CCDC198: variants seen among roughly 807,000 people sequenced by gnomAD.
CCDC198 encodes factor associated with metabolism and energy.
In CCDC198, 18 loss-of-function variants were observed where a neutral mutation model predicts 35.6. That is an observed-to-expected ratio of 0.51 (90% CI 0.35 to 0.75). CCDC198 has a LOEUF of 0.75. CCDC198 is among the 30% of genes least tolerant of loss of function. The pLI is 0.01. For synonymous variants in CCDC198, 119 were observed against 113.4 expected (o/e 1.05, Z -0.31); for missense variants, 365 against 343.7 (o/e 1.06, Z -0.49).
At chr14:57,485,749 A>G (rs536360804) in intron 2 of CCDC198, among the ~76,000 whole-genome samples, 1 of 152,192 alleles carries the variant, frequency 6.6e-6, no homozygotes, top group Non-Finnish European at 1.5e-5. Flanking sequence ...AGGGCAAAGG[A>G]TGTGGAGACA....
rs766336647 is a variant in CCDC198 at position 57,493,605 on chromosome 14, C to T, written c.111G>A (p.Gln37=). The T allele has an allele frequency of 3.1e-6, 5 of 1,613,962 alleles. No individual in the cohort carries two copies. The Admixed American group carries it at 5.0e-5, about 16-fold the overall frequency. ...SAGRVDFAFN[Q]NLEEKTSYSL... ...AATATGAAGTCTTTTCTTCCAAATT[C>T]TGATTGAATGCAAAGTCCACACGGC... Residue 37 remains glutamine, a synonymous_variant, in exon 1 of 6, where the codon CAG becomes CAA. Coordinates refer to ENST00000216445, the MANE Select transcript of CCDC198 (RefSeq NM_018168.4).
chr14:57,488,465 C>G (rs1238380837), intron 2 of CCDC198, among the ~76,000 whole-genome samples: 1 of 152,244 alleles, frequency 6.6e-6, no homozygotes, highest in East Asian at 1.9e-4. Flanking sequence ...TATCCCCCCT[C>G]CAGCAGGGAT....
chr14:57,473,660 C>T (rs1235894587), intron 5 of CCDC198, among the ~76,000 whole-genome samples: 2 of 152,174 alleles, frequency 1.3e-5, no homozygotes, highest in Non-Finnish European at 2.9e-5. Flanking sequence ...ATTGGTCTTC[C>T]TTCATCCTTT....
In CCDC198 at chr14:57,471,440, C is replaced by T. The variant is rs2139452334; in HGVS notation, c.806G>A (p.Gly269Glu). 6.2e-7 allele frequency: 1 copy of T among 1,613,956 alleles called. No individual in the cohort carries two copies. The highest frequency in any genetic ancestry group is 1.1e-5 in the South Asian group (1 of 91,072). ...DSSSSDSDEQ[G>E]KDEKKPRALV... The stretch of plus-strand genomic sequence containing the variant: ...TGCTCGTGGCTTCTTCTCATCTTTC[C>T]CCTGCTCATCTGAGTCAGAGCTGGA... The change falls in exon 6 of 6, where the codon GGG becomes GAG. Residue 269 changes from glycine (G) to glutamate (E), a missense_variant. Gly to Glu is a moderately conservative substitution (Grantham distance 98). Transcript: ENST00000216445.
intron 5 of CCDC198, chr14:57,480,239 G>T: frequency 1.0e-6 from 1 of 984,704 alleles, no homozygotes; most frequent in Non-Finnish European, 1.2e-6. Context: ...AAGCAAATTT[G>T]CCATGTGACT....
chr14:57,478,572 T>G, intron 5 of CCDC198: 5 of 988,514 alleles, frequency 5.1e-6, no homozygotes, highest in Non-Finnish European at 6.0e-6. Context: ...TGAGACATCT[T>G]CCAGGGACTT....
intron 3 of CCDC198, among the ~76,000 whole-genome samples, chr14:57,482,073 G>A (rs976576069): frequency 6.6e-6 from 1 of 152,174 alleles, no homozygotes; most frequent in South Asian, 2.1e-4. Flanking sequence ...AAATGAGAGG[G>A]AAGCTGCTGA....
chr14:57,470,968 TA>T lies in CCDC198; in HGVS notation c.*386del, dbSNP rs1299540523. On this transcript the variant is annotated 3_prime_UTR_variant, in exon 6 of 6. Transcript: ENST00000216445. ...TGCAGATGCTCTGAGGCTACATGGA[TA>T]GGGGGCAAGGTCCCCCTGTGTCAGT... is the stretch of plus-strand genomic sequence containing the variant. 5 of 172,052 alleles carry T rather than the reference TA, an allele frequency of 2.9e-5. No homozygotes were observed. Among genetic ancestry groups the T allele is most frequent in the South Asian group, 1.5e-4 (1 of 6,888 alleles). The allele number at this position is 172,052 out of a possible 1,614,324, so 10.7% of individuals were successfully genotyped here.
At chr14:57,488,882 G>A (rs2067461925) in intron 2 of CCDC198, among the ~76,000 whole-genome samples, 1 of 152,142 alleles carries the variant, frequency 6.6e-6, no homozygotes, top group Admixed American at 6.5e-5. Flanking sequence ...AACAGATGCT[G>A]GAGAGGTTGC....
chr14:57,489,452 T>C (rs1433875186), intron 2 of CCDC198, among the ~76,000 whole-genome samples: 1 of 152,104 alleles, frequency 6.6e-6, no homozygotes, highest in African/African-American at 2.4e-5. Flanking sequence ...GGATGATCTG[T>C]GCAGCAAATC....
rs148990485 is a variant in CCDC198, at chr14:57,478,033, T to C, written c.655+2562A>G. Among the ~76,000 whole-genome samples the C allele has an allele frequency of 2.8e-3, 422 of 152,282 alleles. 2 individuals are homozygous for C. The highest frequency in any genetic ancestry group is 9.9e-3 in the African/African-American group (411 of 41,542). On this transcript the variant is annotated intron_variant, in intron 5 of 5. Transcript: ENST00000216445. The stretch of plus-strand genomic sequence containing the variant: ...GTGGTTCTGCTCATAACTGAGCTTT[T>C]GTGCACTACTGATGCAGCTACACCT...
At chr14:57,474,286 C>T (rs1448516742) in intron 5 of CCDC198, among the ~76,000 whole-genome samples, 1 of 152,118 alleles carries the variant, frequency 6.6e-6, no homozygotes, top group African/African-American at 2.4e-5. Context: ...TAACTAGGAC[C>T]TAAAAAAGGC....
Position 57,493,582 on chromosome 14 carries a change from T to C in CCDC198, c.134A>G (p.Tyr45Cys), listed in dbSNP as rs1042383005. 2 of 1,613,876 alleles carry C rather than the reference T, an allele frequency of 1.2e-6. No individual in the cohort carries two copies. The highest frequency in any genetic ancestry group is 1.7e-6 in the Non-Finnish European group (2 of 1,179,942). The change falls in exon 1 of 6, where the codon TAT becomes TGT. Residue 45 changes from tyrosine to cysteine, a missense_variant. Coordinates refer to ENST00000216445, the MANE Select transcript of CCDC198 (RefSeq NM_018168.4). ...FNQNLEEKTS[Y>C]SLARLQDQNK... The stretch of plus-strand genomic sequence containing the variant: ...CTGGTCCTGCAGTCTTGCCAGTGAA[T>C]ATGAAGTCTTTTCTTCCAAATTCTG...
rs2067147863 is a variant in CCDC198 at position 57,480,583 on chromosome 14, T to C, written c.655+12A>G. The C allele has an allele frequency of 6.2e-7, 1 of 1,612,264 alleles. No homozygotes were observed. Among genetic ancestry groups the C allele is most frequent in the Middle Eastern group, 1.7e-4 (1 of 6,036 alleles). On this transcript the variant is annotated intron_variant, in intron 5 of 5. Coordinates refer to ENST00000216445, the MANE Select transcript of CCDC198 (RefSeq NM_018168.4). The stretch of plus-strand genomic sequence containing the variant: ...CTTGAAATGTTTTACTAAAAAATTG[T>C]ACATGACTCACCGGGACCTCTGTTC...
chr14:57,488,261 A>G (rs918597700), intron 2 of CCDC198, among the ~76,000 whole-genome samples: 1 of 152,198 alleles, frequency 6.6e-6, no homozygotes, highest in African/African-American at 2.4e-5. Flanking sequence ...GTTGCAAGGT[A>G]TAATTCTTCC....
intron 5 of CCDC198, chr14:57,475,244 G>A: frequency 1.6e-6 from 1 of 618,510 alleles, no homozygotes; most frequent in Non-Finnish European, 2.0e-6. Flanking sequence ...CTGGGCGACA[G>A]AGTGAGACTC....
intron 2 of CCDC198, chr14:57,483,354 G>T: frequency 3.0e-6 from 2 of 675,796 alleles, no homozygotes; most frequent in African/African-American, 1.8e-5. Flanking sequence ...TTATTCTAGT[G>T]CACTGTCGAC....
In CCDC198 at chr14:57,480,683, T is replaced by G; in HGVS notation, c.567A>C (p.Lys189Asn). 1 of 1,614,196 alleles carries G rather than the reference T, an allele frequency of 6.2e-7. No individual in the cohort carries two copies. Among genetic ancestry groups the G allele is most frequent in the Non-Finnish European group, 8.5e-7 (1 of 1,180,000 alleles). The change falls in exon 5 of 6, where the codon AAA (lysine) becomes AAC (asparagine). Residue 189 changes from lysine (K) to asparagine (N), a missense_variant. Transcript: ENST00000216445. ...RINKQSPRDH[K>N]AKKTLQSTPR... ...GGGTGCTTTGAAGGGTTTTCTTGGCTTTATGGTCCCTTGGACTTTGCTTAT... is the reference window on the plus strand; with the variant it reads ...GGGTGCTTTGAAGGGTTTTCTTGGCGTTATGGTCCCTTGGACTTTGCTTAT...
At chr14:57,490,555 G>A (rs2067528246) in intron 2 of CCDC198, among the ~76,000 whole-genome samples, 2 of 152,146 alleles carry the variant, frequency 1.3e-5, no homozygotes, top group African/African-American at 4.8e-5. Flanking sequence ...TGACTAGCAT[G>A]TATAAAACAA....
Sources: allele counts gnomAD v4.1 joint callset (sites outside exome capture counted in the v4.1 genomes callset), GRCh38; gene constraint gnomAD v4.1.1; transcripts MANE v1.5; gene names NCBI Gene and HGNC (gene_info 2026-07-23, HGNC 2026-07-21).